The following METTL8 variants were observed in gnomAD, a reference collection of about 807,000 sequenced individuals.
METTL8 encodes methyltransferase 8, tRNA N3-cytidine.
In METTL8, 32 loss-of-function variants were observed where a neutral mutation model predicts 48.7. The observed-to-expected ratio is 0.66, with a 90% CI of 0.50 to 0.88. The LOEUF (loss-of-function observed/expected upper bound fraction) is 0.88, where lower values mean the gene tolerates loss of function less well. Ranked by LOEUF, METTL8 falls within the 40% of genes least tolerant of loss-of-function variation. The pLI, the probability that METTL8 is intolerant of heterozygous loss-of-function variation, is 0.00. For synonymous variants in METTL8, 136 were observed against 157.1 expected, an observed-to-expected ratio of 0.87 and a Z score of 1.01; for missense variants, 464 against 474.4, an observed-to-expected ratio of 0.98 and a Z score of 0.20.
intron 1 of METTL8, among the ~76,000 whole-genome samples, chr2:171,398,556 CG>C (rs756120581): frequency 9.2e-5 from 14 of 151,784 alleles, no homozygotes; most frequent in Non-Finnish European, 1.8e-4. Context: ...CGAGAGGAAA[CG>C]GGGAGACGTA....
chr2:171,404,257 T>C (rs2105602190), intron 1 of METTL8, among the ~76,000 whole-genome samples: 1 of 151,754 alleles, frequency 6.6e-6, no homozygotes, highest in South Asian at 2.1e-4. Flanking sequence ...TGATGTGAGA[T>C]GATAAAATGC....
intron 4 of METTL8, among the ~76,000 whole-genome samples, chr2:171,338,409 G>A (rs1487814977): frequency 4.6e-5 from 7 of 151,984 alleles, no homozygotes; most frequent in Non-Finnish European, 7.4e-5. Flanking sequence ...AGGCTGAGGC[G>A]GGCGGATCAC....
At position 171,315,863 on chromosome 2, in the gene METTL8, C is replaced by T. The variant is rs1684240869; in HGVS notation, c.*8309G>A. On this transcript the variant is annotated 3_prime_UTR_variant, in exon 10 of 10. Coordinates refer to ENST00000375258, the MANE Select transcript of METTL8 (RefSeq NM_001321154.2). ...TCAACTATGTAATAACCAAAGCTTC[C>T]TTAACTTGGGAATCTTGGGAACCTA... Among the ~76,000 whole-genome samples, 1 of 152,142 alleles carries T rather than the reference C, an allele frequency of 6.6e-6. No homozygotes were observed. The highest frequency in any genetic ancestry group is 2.4e-5 in the African/African-American group (1 of 41,422).
chr2:171,349,738 A>C (rs1249738842), intron 3 of METTL8, among the ~76,000 whole-genome samples: 2 of 152,130 alleles, frequency 1.3e-5, no homozygotes, highest in Admixed American at 1.3e-4. Flanking sequence ...AGGAACTTCC[A>C]TACTGTTTTC....
rs76416457 is a variant in METTL8 at position 171,390,405 on chromosome 2, G to C, written c.143+1638C>G. 1.9e-3 allele frequency among the ~76,000 whole-genome samples: 296 copies of C among 152,216 alleles called. 9 individuals are homozygous for C. In the East Asian group the frequency reaches 0.044, roughly 22 times the overall value. On this transcript the variant is annotated intron_variant, in intron 2 of 9. Transcript: ENST00000375258. ...AAGTCTTATTTAAGAACTACATTTCGTAAAGCTATAGCTGCCATAAATAGT... is the reference window on the plus strand; with the variant it reads ...AAGTCTTATTTAAGAACTACATTTCCTAAAGCTATAGCTGCCATAAATAGT...
intron 1 of METTL8, among the ~76,000 whole-genome samples, chr2:171,428,427 G>A (rs1190215080): frequency 1.3e-5 from 2 of 151,912 alleles, no homozygotes; most frequent in Admixed American, 6.6e-5. Context: ...AGGCTGAGGC[G>A]GGATGATCGC....
upstream of METTL8, chr2:171,434,511 C>T (rs945421963): frequency 3.9e-6 from 6 of 1,523,678 alleles, no homozygotes; most frequent in East Asian, 7.4e-5. Context: ...GCGGCGGCTG[C>T]CCAGCACGGG....
At chr2:171,422,585 G>C (rs1281126455) in intron 1 of METTL8, among the ~76,000 whole-genome samples, 1 of 152,106 alleles carries the variant, frequency 6.6e-6, no homozygotes, top group African/African-American at 2.4e-5. Flanking sequence ...AATTGTTACG[G>C]AGAAACATGC....
chr2:171,320,203 G>A lies in METTL8; in HGVS notation c.*3969C>T, dbSNP rs1303193339. 1.3e-5 allele frequency: 2 copies of A among 151,744 alleles called. No homozygotes were observed. The highest frequency in any genetic ancestry group is 2.4e-5 in the African/African-American group (1 of 41,298). The allele number at this position is 151,744 out of a possible 1,614,324, so 9.4% of individuals were successfully genotyped here. A position where few individuals can be genotyped will look rare whatever the true frequency, so the allele number is the denominator to read the frequency against. On this transcript the variant is annotated 3_prime_UTR_variant, in exon 10 of 10. Transcript: ENST00000375258. ...CCGAGAAGGAAGTTGTTGTAGGTAG[G>A]TTAAGAGACAGAAAGACTGACCAGG...
At chr2:171,381,220 C>T (rs1043447679) in intron 2 of METTL8, among the ~76,000 whole-genome samples, 11 of 152,188 alleles carry the variant, frequency 7.2e-5, no homozygotes, top group Non-Finnish European at 1.0e-4. Flanking sequence ...AAACTGAAAC[C>T]GGACTCCTTC....
chr2:171,431,922 G>C (rs1456980938), intron 1 of METTL8, among the ~76,000 whole-genome samples: 1 of 152,242 alleles, frequency 6.6e-6, no homozygotes, highest in Admixed American at 6.5e-5. Flanking sequence ...CTGGACTCCA[G>C]AGCCCACTGT....
At chr2:171,354,716 C>G (rs548146942) in intron 3 of METTL8, among the ~76,000 whole-genome samples, 2 of 152,326 alleles carry the variant, frequency 1.3e-5, no homozygotes, top group African/African-American at 4.8e-5. Flanking sequence ...ATTTGATCTT[C>G]AATCACTGAT....
At chr2:171,349,994 A>G (rs6433289) in intron 3 of METTL8, among the ~76,000 whole-genome samples, 149,228 of 152,250 alleles carry the variant, frequency 0.98, 73,223 homozygotes, top group Middle Eastern at 1. Context: ...TTAAGTTCTA[A>G]GGTACATGTG....
At chr2:171,372,609 A>T (rs1686478536) in intron 2 of METTL8, among the ~76,000 whole-genome samples, 1 of 151,904 alleles carries the variant, frequency 6.6e-6, no homozygotes, top group Non-Finnish European at 1.5e-5. Flanking sequence ...CATTAGGTAC[A>T]TCTCCTAATG....
At chr2:171,415,177 AAGTC>A (rs1293658833) in intron 1 of METTL8, among the ~76,000 whole-genome samples, 2 of 152,124 alleles carry the variant, frequency 1.3e-5, no homozygotes, top group Non-Finnish European at 2.9e-5. Context: ...TAGAAAAAAA[AAGTC>A]AGGTACAAGA....
At chr2:171,395,901 C>T (rs1316122446) in intron 1 of METTL8, among the ~76,000 whole-genome samples, 1 of 152,178 alleles carries the variant, frequency 6.6e-6, no homozygotes, top group East Asian at 1.9e-4. Flanking sequence ...CAAGAATACA[C>T]ATTCTTTTCA....
chr2:171,386,017 T>C (rs559809505), intron 2 of METTL8, among the ~76,000 whole-genome samples: 7 of 152,312 alleles, frequency 4.6e-5, no homozygotes, highest in African/African-American at 1.4e-4. Flanking sequence ...ACTGAAATAG[T>C]AACTCCCAGA....
intron 2 of METTL8, among the ~76,000 whole-genome samples, chr2:171,382,628 G>A (rs1189356138): frequency 2.6e-5 from 4 of 151,950 alleles, no homozygotes; most frequent in African/African-American, 7.2e-5. Flanking sequence ...CCTAGATGAC[G>A]GGTTGACAGA....
intron 5 of METTL8, among the ~76,000 whole-genome samples, chr2:171,337,121 C>CCACCCAAAG (rs1031139076): frequency 1.3e-5 from 2 of 152,214 alleles, no homozygotes; most frequent in Non-Finnish European, 1.5e-5. Context: ...CCCGCCTCAG[C>CCACCCAAAG]CACCCAAAGT....
Sources: gnomAD v4.1 joint callset for allele counts (sites outside exome capture counted in the v4.1 genomes callset) on GRCh38, gnomAD v4.1.1 for gene constraint, MANE v1.5 for transcripts, NCBI Gene and HGNC (gene_info 2026-07-23, HGNC 2026-07-21) for gene names.